The following ZDHHC3 variants were observed in gnomAD, a reference collection of about 807,000 sequenced individuals.
ZDHHC3 encodes the protein palmitoyltransferase ZDHHC3.
In ZDHHC3, 9 loss-of-function variants were observed where a neutral mutation model predicts 30.6. That is an observed-to-expected ratio of 0.29 (90% CI 0.18 to 0.51). The LOEUF is 0.51. ZDHHC3 is among the 20% of genes least tolerant of loss of function. The pLI, the probability that ZDHHC3 is intolerant of heterozygous loss-of-function variation, is 0.97. For synonymous variants in ZDHHC3, 136 were observed against 140.2 expected, an observed-to-expected ratio of 0.97 and a Z score of 0.21; for missense variants, 246 against 384.2, an observed-to-expected ratio of 0.64 and a Z score of 3.01.
At position 44,921,050 on chromosome 3, in the gene ZDHHC3, C is replaced by T; in HGVS notation, c.*5639G>A. On this transcript the variant is annotated 3_prime_UTR_variant, in exon 7 of 7. Coordinates refer to ENST00000424952, the MANE Select transcript of ZDHHC3 (RefSeq NM_001135179.2). ...GGAGCAGTAATAGTAGCTTCAGGCT[C>T]AAGAGAACGAACAAAAATGGTTGAT... 1.0e-6 allele frequency: 1 copy of T among 985,386 alleles called. No individual in the cohort carries two copies. The allele number at this position is 985,386 out of a possible 1,614,324, so 61.0% of individuals were successfully genotyped here.
Position 44,920,518 on chromosome 3 carries a change from T to C in ZDHHC3, c.*6171A>G, listed in dbSNP as rs1329971451. ...GTGAGGAGGTGGGTATGAGTATTGA[T>C]GATTGGCAGATGGGGAAGAAACAGA... On this transcript the variant is annotated 3_prime_UTR_variant, in exon 7 of 7. Coordinates refer to ENST00000424952, the MANE Select transcript of ZDHHC3 (RefSeq NM_001135179.2). 68 of 985,272 alleles carry C rather than the reference T, an allele frequency of 6.9e-5. No individual in the cohort carries two copies. Among genetic ancestry groups the C allele is most frequent in the Non-Finnish European group, 7.7e-5 (64 of 829,930 alleles). The allele number at this position is 985,272 out of a possible 1,614,324, so 61.0% of individuals were successfully genotyped here.
At position 44,916,505 on chromosome 3, in the gene ZDHHC3, G is replaced by A. The variant is rs1700177061; in HGVS notation, c.*10184C>T. ...GACTCATGCCCTTTTGCCTGGAGCT[G>A]GAAGGGGGGCCCTAACACTGAGGTC... On this transcript the variant is annotated 3_prime_UTR_variant, in exon 7 of 7. Transcript: ENST00000424952. 6.6e-6 allele frequency: 1 copy of A among 152,460 alleles called. No homozygotes were observed. Among genetic ancestry groups the A allele is most frequent in the Admixed American group, 6.5e-5 (1 of 15,288 alleles). The allele number at this position is 152,460 out of a possible 1,614,324, so 9.4% of individuals were successfully genotyped here.
chr3:44,919,699 A>T lies in ZDHHC3; in HGVS notation c.*6990T>A. On this transcript the variant is annotated 3_prime_UTR_variant, in exon 7 of 7. Transcript: ENST00000424952. ...TGTGAATAAGGTACATACATTAGTT[A>T]AGGGTATGGTGTTGCCAATGTCCAG... 1 of 193,162 alleles carries T rather than the reference A, an allele frequency of 5.2e-6. No individual in the cohort carries two copies. Among genetic ancestry groups the T allele is most frequent in the Non-Finnish European group, 9.5e-6 (1 of 105,450 alleles). 12.0% of individuals were successfully genotyped at this position (193,162 alleles called of 1,614,324 possible). A position where few individuals can be genotyped will look rare whatever the true frequency, so the allele number is the denominator to read the frequency against.
intron 2 of ZDHHC3, among the ~76,000 whole-genome samples, chr3:44,955,457 T>TATATATATATATA (rs1553691496): frequency 1.5e-4 from 21 of 143,960 alleles, no homozygotes; most frequent in African/African-American, 4.6e-4. Context: ...CACAAGGTTT[T>TATATATATATATA]TATATATATA....
intron 1 of ZDHHC3, among the ~76,000 whole-genome samples, 167 bp downstream of exon 1, chr3:44,975,766 T>TCACA (rs1163057741): frequency 1.6e-3 from 226 of 144,382 alleles, no homozygotes; most frequent in African/African-American, 5.4e-3. Flanking sequence ...TCTCTCTCTC[T>TCACA]CTCTCTCACA....
chr3:44,939,384 T>G (rs1469866359), intron 3 of ZDHHC3, among the ~76,000 whole-genome samples: 3 of 152,242 alleles, frequency 2.0e-5, no homozygotes, highest in Non-Finnish European at 4.4e-5. Flanking sequence ...AAGCAGACAG[T>G]GCAGAGTGAG....
At chr3:44,968,891 C>T (rs1017160099) in intron 1 of ZDHHC3, among the ~76,000 whole-genome samples, 14 of 152,120 alleles carry the variant, frequency 9.2e-5, no homozygotes, top group Admixed American at 2.0e-4. Flanking sequence ...CTCTGTTTTA[C>T]AGATGAGTAA....
intron 2 of ZDHHC3, among the ~76,000 whole-genome samples, chr3:44,951,377 T>G (rs549703806): frequency 2.6e-5 from 4 of 152,318 alleles, no homozygotes; most frequent in Admixed American, 2.0e-4. Flanking sequence ...TGTGTGTATT[T>G]AGGGGTGGGG....
rs1389811933 is a variant in ZDHHC3, at chr3:44,923,466, T to C, written c.*3223A>G. ...GGACGGTGGATTCTAACTATTTAAG[T>C]GGCCTAGCCAGATGAGCAAAAGCTA... On this transcript the variant is annotated 3_prime_UTR_variant, in exon 7 of 7. Coordinates refer to ENST00000424952, the MANE Select transcript of ZDHHC3 (RefSeq NM_001135179.2). 5.1e-6 allele frequency: 5 copies of C among 985,270 alleles called. No homozygotes were observed. The highest frequency in any genetic ancestry group is 6.0e-6 in the Non-Finnish European group (5 of 829,920). The allele number at this position is 985,270 out of a possible 1,614,324, so 61.0% of individuals were successfully genotyped here. A position where few individuals can be genotyped will look rare whatever the true frequency, so the allele number is the denominator to read the frequency against.
chr3:44,956,322 G>C (rs1703953298), intron 2 of ZDHHC3, among the ~76,000 whole-genome samples: 1 of 152,154 alleles, frequency 6.6e-6, no homozygotes, highest in Non-Finnish European at 1.5e-5. Flanking sequence ...TGCCCACCTA[G>C]CATCTCTCCT....
At position 44,952,056 on chromosome 3, in the gene ZDHHC3, C is replaced by T. The variant is rs187226580; in HGVS notation, c.307-6764G>A. On this transcript the variant is annotated intron_variant, in intron 2 of 6. Transcript: ENST00000424952. ...AATGCTCCAATCACAAGCTCCAACT[C>T]AGACCTCTTGAATCTGCAGATCTCT... Among the ~76,000 whole-genome samples the T allele has an allele frequency of 3.9e-5, 6 of 152,346 alleles. No individual in the cohort carries two copies. The East Asian group carries it at 5.8e-4, about 15-fold the overall frequency.
intron 1 of ZDHHC3, among the ~76,000 whole-genome samples, chr3:44,960,697 C>A (rs1035377152): frequency 2.6e-5 from 4 of 152,218 alleles, no homozygotes; most frequent in African/African-American, 9.7e-5. Context: ...ATAGCACAGG[C>A]TACAACACAG....
intron 1 of ZDHHC3, among the ~76,000 whole-genome samples, chr3:44,966,956 C>T (rs1705005798): frequency 6.6e-6 from 1 of 152,226 alleles, no homozygotes; most frequent in Non-Finnish European, 1.5e-5. Context: ...AGTGTCCAGA[C>T]AGGCAGAGTG....
At chr3:44,946,651 C>T (rs778902342) in intron 2 of ZDHHC3, among the ~76,000 whole-genome samples, 11 of 151,992 alleles carry the variant, frequency 7.2e-5, no homozygotes, top group Admixed American at 1.3e-4. Context: ...AGGGTTGTCT[C>T]GAGGAATGTA....
Position 44,945,479 on chromosome 3 carries a change from A to C in ZDHHC3, c.307-187T>G, listed in dbSNP as rs1012744431. On this transcript the variant is annotated intron_variant, in intron 2 of 6. Transcript: ENST00000424952. ...ATTAAGGAATATTTATTGACCAAAA[A>C]TTTTTCTGAGGAGATGCCATTAGGC... 7 of 799,906 alleles carry C rather than the reference A, an allele frequency of 8.8e-6. No homozygotes were observed. In the African/African-American group the frequency reaches 8.8e-5, roughly 10 times the overall value. 49.6% of individuals were successfully genotyped at this position (799,906 alleles called of 1,614,324 possible).
At position 44,925,278 on chromosome 3, in the gene ZDHHC3, T is replaced by C; in HGVS notation, c.*1411A>G. ...TTTCTGAAAAATCACATGGCTAGATTAACTTTCGCCCTACCCAGGACAGGA... is the reference window on the plus strand; with the variant it reads ...TTTCTGAAAAATCACATGGCTAGATCAACTTTCGCCCTACCCAGGACAGGA... On this transcript the variant is annotated 3_prime_UTR_variant, in exon 7 of 7. Coordinates refer to ENST00000424952, the MANE Select transcript of ZDHHC3 (RefSeq NM_001135179.2). The C allele has an allele frequency of 5.1e-6, 5 of 985,868 alleles. No homozygotes were observed. Among genetic ancestry groups the C allele is most frequent in the Non-Finnish European group, 6.0e-6 (5 of 829,936 alleles). The allele number at this position is 985,868 out of a possible 1,614,324, so 61.1% of individuals were successfully genotyped here.
rs879212565 is a variant in ZDHHC3 at position 44,958,492 on chromosome 3, C to T, written c.306+639G>A. 37 of 1,033,728 alleles carry T rather than the reference C, an allele frequency of 3.6e-5. No individual in the cohort carries two copies. In the South Asian group the frequency reaches 3.8e-4, roughly 11 times the overall value. The allele number at this position is 1,033,728 out of a possible 1,614,324, so 64.0% of individuals were successfully genotyped here. ...AAGGAACAGAACAGAGGGTTTAATA[C>T]CAGGGTGCACAAACATTCAATAGCC... On this transcript the variant is annotated intron_variant, in intron 2 of 6. Coordinates refer to ENST00000424952, the MANE Select transcript of ZDHHC3 (RefSeq NM_001135179.2).
chr3:44,961,828 A>T (rs1010483662), intron 1 of ZDHHC3, among the ~76,000 whole-genome samples: 1 of 152,204 alleles, frequency 6.6e-6, no homozygotes, highest in Admixed American at 6.5e-5. Context: ...AAAAACAATA[A>T]TGTTTTGTTG....
At position 44,976,129 on chromosome 3, in the gene ZDHHC3, G is replaced by C. The variant is rs1195477141; in HGVS notation, c.-221C>G. 1.8e-6 allele frequency: 1 copy of C among 555,264 alleles called. No individual in the cohort carries two copies. The highest frequency in any genetic ancestry group is 2.9e-6 in the Non-Finnish European group (1 of 350,078). 34.4% of individuals were successfully genotyped at this position (555,264 alleles called of 1,614,324 possible). A position where few individuals can be genotyped will look rare whatever the true frequency, so the allele number is the denominator to read the frequency against. Reference sequence around the variant, plus strand: ...CAGGAGAAGCCCATCGAGCTCTCCCGGCAGTGGCGGCGGCCGCGGCTGCAG... The same window carrying C: ...CAGGAGAAGCCCATCGAGCTCTCCCCGCAGTGGCGGCGGCCGCGGCTGCAG... On this transcript the variant is annotated 5_prime_UTR_variant, in exon 1 of 7. Coordinates refer to ENST00000424952, the MANE Select transcript of ZDHHC3 (RefSeq NM_001135179.2).
Sources: gnomAD v4.1 joint callset for allele counts (sites outside exome capture counted in the v4.1 genomes callset) on GRCh38, gnomAD v4.1.1 for gene constraint, MANE v1.5 for transcripts, NCBI Gene and HGNC (gene_info 2026-07-23, HGNC 2026-07-21) for gene names.